TTC39B: variants seen among roughly 807,000 people sequenced by gnomAD.
TTC39B encodes the protein tetratricopeptide repeat domain 39B.
Under a neutral mutation model 96.6 loss-of-function variants are expected in TTC39B, and 92 were observed. The ratio of observed to expected loss-of-function variants is 0.95; its 90% confidence interval spans 0.80 to 1.13. TTC39B has a LOEUF of 1.13. Ranked by LOEUF, TTC39B falls within the 50% of genes most tolerant of loss-of-function variation. The pLI is 0.00. For missense variants in TTC39B, 955 were observed against 809.3 expected, an observed-to-expected ratio of 1.18 and a Z score of -2.18; for synonymous variants, 367 against 299.4, an observed-to-expected ratio of 1.23 and a Z score of -2.33.
intron 2 of TTC39B, among the ~76,000 whole-genome samples, chr9:15,240,988 A>G (rs1391030521): frequency 6.6e-6 from 1 of 152,200 alleles, no homozygotes; most frequent in Non-Finnish European, 1.5e-5. Flanking sequence ...AAAAACGAAC[A>G]ATGATTCATG....
At chr9:15,236,371 G>A (rs1216303713) in intron 2 of TTC39B, among the ~76,000 whole-genome samples, 4 of 152,192 alleles carry the variant, frequency 2.6e-5, no homozygotes, top group South Asian at 2.1e-4. Flanking sequence ...TACAATTATA[G>A]TGAGGGACTT....
At chr9:15,219,328 C>A (rs1820710303) in intron 3 of TTC39B, among the ~76,000 whole-genome samples, 1 of 152,158 alleles carries the variant, frequency 6.6e-6, no homozygotes, top group Non-Finnish European at 1.5e-5. Flanking sequence ...TGTCAACCTG[C>A]CCCAACTCCC....
chr9:15,277,217 T>C (rs983835640), intron 1 of TTC39B, among the ~76,000 whole-genome samples: 4 of 151,878 alleles, frequency 2.6e-5, no homozygotes, highest in African/African-American at 9.7e-5. Context: ...TCACCTGAGG[T>C]CGGGAGTTCA....
intron 2 of TTC39B, among the ~76,000 whole-genome samples, chr9:15,238,854 C>T (rs1821907633): frequency 6.6e-6 from 1 of 152,134 alleles, no homozygotes; most frequent in African/African-American, 2.4e-5. Context: ...GGCGTGGTAT[C>T]ACATGCCTGT....
intron 2 of TTC39B, among the ~76,000 whole-genome samples, chr9:15,260,124 TTC>T (rs1469768112): frequency 6.6e-6 from 1 of 152,162 alleles, no homozygotes; most frequent in Non-Finnish European, 1.5e-5. Flanking sequence ...TTTAAAAAAA[TTC>T]TCTGAGTGGA....
chr9:15,233,034 A>G (rs962972107), intron 2 of TTC39B, among the ~76,000 whole-genome samples: 1 of 152,182 alleles, frequency 6.6e-6, no homozygotes, highest in African/African-American at 2.4e-5. Context: ...ATAGGGAAAG[A>G]GGAAATTTTG....
chr9:15,250,039 G>A (rs1485265550), intron 2 of TTC39B: 1 of 1,284,500 alleles, frequency 7.8e-7, no homozygotes, highest in South Asian at 1.3e-5. Flanking sequence ...CTCAATTTTA[G>A]AGCCAACAAA....
chr9:15,193,163 G>C (rs944141957), intron 8 of TTC39B, among the ~76,000 whole-genome samples: 2 of 152,238 alleles, frequency 1.3e-5, no homozygotes, highest in African/African-American at 4.8e-5. Context: ...CTTGGGACCA[G>C]GACAGACTGA....
exon 17 of TTC39B, chr9:15,182,394 C>A (rs769512891): frequency 1.9e-6 from 3 of 1,610,790 alleles, no homozygotes; most frequent in Non-Finnish European, 1.7e-6. Flanking sequence ...ATTGAAAAAC[C>A]ATTCCAGACA....
intron 2 of TTC39B, among the ~76,000 whole-genome samples, chr9:15,243,145 C>T (rs779736662): frequency 1.1e-4 from 16 of 152,302 alleles, no homozygotes; most frequent in African/African-American, 9.6e-5. Context: ...CTGCACCCAA[C>T]GCCATGTCAG....
chr9:15,257,868 T>A (rs1161321343), intron 2 of TTC39B, among the ~76,000 whole-genome samples: 1 of 151,976 alleles, frequency 6.6e-6, no homozygotes, highest in African/African-American at 2.4e-5. Flanking sequence ...GAGACCAGCC[T>A]GACTAACATG....
chr9:15,213,624 C>T (rs1287662516), intron 4 of TTC39B, among the ~76,000 whole-genome samples: 2 of 152,090 alleles, frequency 1.3e-5, no homozygotes, highest in African/African-American at 2.4e-5. Flanking sequence ...AGACAAAGGC[C>T]GAGTAAACAG....
chr9:15,307,023 C>T, intron 1 of TTC39B, 61 bp downstream of exon 1: 1 of 1,579,102 alleles, frequency 6.3e-7, no homozygotes, highest in Admixed American at 1.8e-5. Flanking sequence ...GCTCACTCTT[C>T]TCTCCCGGAC....
intron 16 of TTC39B, among the ~76,000 whole-genome samples, chr9:15,183,670 G>A (rs993065675): frequency 6.6e-6 from 1 of 152,180 alleles, no homozygotes; most frequent in African/African-American, 2.4e-5. Flanking sequence ...GTAGAGTTCT[G>A]TGAGACAGAA....
chr9:15,206,662 A>G (rs1223155467), intron 6 of TTC39B, among the ~76,000 whole-genome samples: 1 of 152,210 alleles, frequency 6.6e-6, no homozygotes, highest in African/African-American at 2.4e-5. Flanking sequence ...AAATAAACTT[A>G]GCTAAATAAG....
At chr9:15,172,164 C>T (rs1817696531) in intron 19 of TTC39B, 55 bp from the exon 20 acceptor site, 5 of 1,173,944 alleles carry the variant, frequency 4.3e-6, no homozygotes, top group African/African-American at 3.0e-5. Flanking sequence ...ATACCAGGTA[C>T]CACCACTCTC....
chr9:15,186,011 C>T (rs1339501148), intron 15 of TTC39B, among the ~76,000 whole-genome samples: 3 of 152,114 alleles, frequency 2.0e-5, no homozygotes, highest in Non-Finnish European at 4.4e-5. Flanking sequence ...TACAGAATTC[C>T]AATTATGAAA....
Position 15,245,126 on chromosome 9 carries a change from T to C in TTC39B, c.276-19114A>G, listed in dbSNP as rs148753573. On this transcript the variant is annotated intron_variant, in intron 2 of 19. Coordinates refer to ENST00000512701, the Ensembl canonical transcript of TTC39B. ...TGTTTCTTAATCCAGAGATGTTCAA[T>C]GACTGCTTGATGAATGAATGACATT... 3.2e-3 allele frequency among the ~76,000 whole-genome samples: 494 copies of C among 152,318 alleles called. 2 individuals carry two copies. Among genetic ancestry groups the C allele is most frequent in the Non-Finnish European group, 4.1e-3 (278 of 68,028 alleles).
At chr9:15,177,645 T>G in intron 18 of TTC39B, 52 bp downstream of exon 18, 1 of 1,260,062 alleles carries the variant, frequency 7.9e-7, no homozygotes, top group South Asian at 1.3e-5. Context: ...CTCACAGCAA[T>G]TCCCCAGAAA....
Sources: gnomAD v4.1 joint callset for allele counts (sites outside exome capture counted in the v4.1 genomes callset) on GRCh38, gnomAD v4.1.1 for gene constraint, MANE v1.5 for transcripts, NCBI Gene and HGNC (gene_info 2026-07-23, HGNC 2026-07-21) for gene names.